Variants in GABRG3 observed in about 807,000 individuals in gnomAD.
GABRG3 encodes the protein gamma-aminobutyric acid receptor subunit gamma-3.
A neutral mutation model predicts 48.8 loss-of-function variants in GABRG3; 25 were observed. That is an observed-to-expected ratio of 0.51 (90% confidence interval 0.37 to 0.72). The LOEUF is 0.72. GABRG3 is among the 30% of genes least tolerant of loss of function. GABRG3 has a pLI of 0.00. For missense variants in GABRG3, 394 were observed against 577.9 expected, an observed-to-expected ratio of 0.68 and a Z score of 3.26; for synonymous variants, 227 against 217.6, an observed-to-expected ratio of 1.04 and a Z score of -0.38.
At chr15:27,283,829 C>A (rs1049344131) in intron 3 of GABRG3, among the ~76,000 whole-genome samples, 1 of 152,140 alleles carries the variant, frequency 6.6e-6, no homozygotes, top group Non-Finnish European at 1.5e-5. Flanking sequence ...TTCTTCTTAC[C>A]TTTCAGGGTC....
intron 3 of GABRG3, among the ~76,000 whole-genome samples, chr15:27,293,818 A>G (rs1349004655): frequency 3.9e-5 from 6 of 152,234 alleles, no homozygotes; most frequent in African/African-American, 1.4e-4. Context: ...ACTACAGGCC[A>G]GATACTACTT....
chr15:27,443,758 T>A (rs1888860313), intron 5 of GABRG3, among the ~76,000 whole-genome samples: 1 of 152,162 alleles, frequency 6.6e-6, no homozygotes, highest in South Asian at 2.1e-4. Context: ...CCTTTCATCA[T>A]TAAGTGTGAT....
intron 3 of GABRG3, among the ~76,000 whole-genome samples, chr15:27,209,414 G>T (rs1311012483): frequency 5.4e-5 from 8 of 149,178 alleles, no homozygotes; most frequent in African/African-American, 1.5e-4. Flanking sequence ...TTTTGAGATG[G>T]ACTCTTCTTC....
At chr15:27,214,914 C>G (rs1377880973) in intron 3 of GABRG3, among the ~76,000 whole-genome samples, 3 of 152,142 alleles carry the variant, frequency 2.0e-5, no homozygotes, top group East Asian at 3.9e-4. Context: ...TAGCAAAACC[C>G]AAAAGGTCCA....
At chr15:27,077,777 G>A (rs924385426) in intron 3 of GABRG3, among the ~76,000 whole-genome samples, 3 of 152,196 alleles carry the variant, frequency 2.0e-5, no homozygotes, top group Non-Finnish European at 2.9e-5. Context: ...ATGAAAGGAA[G>A]GACTTTTTTT....
At chr15:27,250,795 T>C (rs1890429658) in intron 3 of GABRG3, among the ~76,000 whole-genome samples, 1 of 152,114 alleles carries the variant, frequency 6.6e-6, no homozygotes, top group African/African-American at 2.4e-5. Flanking sequence ...CTTAGTCAAT[T>C]AAGTCGGAGG....
chr15:27,015,959 A>T (rs1442971682), intron 2 of GABRG3, among the ~76,000 whole-genome samples: 1 of 152,132 alleles, frequency 6.6e-6, no homozygotes, highest in East Asian at 1.9e-4. Flanking sequence ...TGTCTTTAAG[A>T]CTTGTCTGCC....
intron 3 of GABRG3, among the ~76,000 whole-genome samples, chr15:27,168,843 G>A (rs1887468626): frequency 6.6e-6 from 1 of 152,168 alleles, no homozygotes; most frequent in Non-Finnish European, 1.5e-5. Context: ...AAGTTGCCCA[G>A]TCCATATTAT....
chr15:27,453,506 G>A (rs955375821), intron 5 of GABRG3, among the ~76,000 whole-genome samples: 4 of 152,154 alleles, frequency 2.6e-5, no homozygotes, highest in African/African-American at 7.2e-5. Context: ...TGAAGTTAAA[G>A]CATATTCATT....
chr15:27,006,670 A>G (rs1466142428), intron 2 of GABRG3, among the ~76,000 whole-genome samples: 1 of 152,072 alleles, frequency 6.6e-6, no homozygotes, highest in Non-Finnish European at 1.5e-5. Flanking sequence ...CTCTACTTTC[A>G]AATAGGCCTG....
At chr15:27,309,056 A>G (rs948235628) in intron 3 of GABRG3, among the ~76,000 whole-genome samples, 1 of 150,898 alleles carries the variant, frequency 6.6e-6, no homozygotes, top group African/African-American at 2.4e-5. Flanking sequence ...TTATATAGAA[A>G]CACATATAAT....
chr15:27,339,124 G>A (rs1197687369), intron 5 of GABRG3, among the ~76,000 whole-genome samples: 2 of 152,172 alleles, frequency 1.3e-5, no homozygotes, highest in Non-Finnish European at 2.9e-5. Flanking sequence ...AGTTGGAGGA[G>A]TAAATCTCTA....
chr15:27,021,491 C>T lies in GABRG3; in HGVS notation c.203-5263C>T, dbSNP rs118012320. Among the ~76,000 whole-genome samples, 60 of 152,246 alleles carry T rather than the reference C, an allele frequency of 3.9e-4. No individual in the cohort carries two copies. The East Asian group carries it at 0.011, about 29-fold the overall frequency. On this transcript the variant is annotated intron_variant, in intron 2 of 9. Transcript: ENST00000615808. ...AGAGAAAGGAAATACATCTTTTCTT[C>T]TCCACTACTGTATGTTAAGTTAATT...
At chr15:27,253,258 A>G (rs1000179441) in intron 3 of GABRG3, among the ~76,000 whole-genome samples, 1 of 152,188 alleles carries the variant, frequency 6.6e-6, no homozygotes, top group Non-Finnish European at 1.5e-5. Flanking sequence ...TTGGGTGTTT[A>G]GGGAATGGAT....
rs1487324091 is a variant in GABRG3 at position 27,400,419 on chromosome 15, T to C, written c.574+71531T>C. ...AATTAATTTATCTGCTTTAAAATAC[T>C]GTCTTACAATGACTAAAATGCTGCT... On this transcript the variant is annotated intron_variant, in intron 5 of 9. Coordinates refer to ENST00000615808, the MANE Select transcript of GABRG3 (RefSeq NM_033223.5). Among the ~76,000 whole-genome samples the C allele has an allele frequency of 2.0e-5, 3 of 152,258 alleles. No homozygotes were observed. The East Asian group carries it at 5.8e-4, about 29-fold the overall frequency.
intron 5 of GABRG3, among the ~76,000 whole-genome samples, chr15:27,388,604 A>G (rs1164769747): frequency 6.6e-6 from 1 of 152,140 alleles, no homozygotes; most frequent in African/African-American, 2.4e-5. Flanking sequence ...AAAGTCACTC[A>G]AAGAGCTGTG....
chr15:27,397,007 G>T (rs188330988), intron 5 of GABRG3, among the ~76,000 whole-genome samples: 1 of 152,112 alleles, frequency 6.6e-6, no homozygotes, highest in Non-Finnish European at 1.5e-5. Flanking sequence ...TGATGGTATC[G>T]AAGTGGTGAA....
At chr15:27,235,313 A>T (rs1889924462) in intron 3 of GABRG3, among the ~76,000 whole-genome samples, 1 of 150,634 alleles carries the variant, frequency 6.6e-6, no homozygotes. Context: ...TAGAGGTCAT[A>T]GGTCAACCTA....
chr15:27,487,075 A>G (rs1192014565), intron 6 of GABRG3, among the ~76,000 whole-genome samples: 1 of 152,182 alleles, frequency 6.6e-6, no homozygotes, highest in Non-Finnish European at 1.5e-5. Flanking sequence ...TCATAATTTT[A>G]AAAATAGTGT....
Sources: allele counts gnomAD v4.1 joint callset (sites outside exome capture counted in the v4.1 genomes callset), GRCh38; gene constraint gnomAD v4.1.1; transcripts MANE v1.5; gene names NCBI Gene and HGNC (gene_info 2026-07-23, HGNC 2026-07-21).